The following ZNF438 variants were observed in gnomAD, a reference collection of about 807,000 sequenced individuals.
ZNF438 encodes the protein zinc finger protein 438.
Under a neutral mutation model 38.0 loss-of-function variants are expected in ZNF438, and 25 were observed. That is an observed-to-expected ratio of 0.66 (90% CI 0.48 to 0.92). The LOEUF is 0.92. Ranked by LOEUF, ZNF438 falls within the 40% of genes least tolerant of loss-of-function variation. The pLI, the probability that ZNF438 is intolerant of heterozygous loss-of-function variation, is 0.00. For missense variants in ZNF438, 1,007 were observed against 999.6 expected (o/e 1.01, Z -0.10); for synonymous variants, 372 against 364.1 (o/e 1.02, Z -0.25).
rs1436630368 is a variant in ZNF438, at chr10:30,944,875, T to A, written c.-191-3224A>T. On this transcript the variant is annotated intron_variant, in intron 1 of 5. Transcript: ENST00000413025. ...TTGTTCATCATATTTTCTTATCCCT[T>A]ATATATTTCCTGGATCTCTATTAAT... Among the ~76,000 whole-genome samples the A allele has an allele frequency of 3.3e-5, 5 of 152,198 alleles. No individual in the cohort carries two copies. The East Asian group carries it at 9.6e-4, about 29-fold the overall frequency.
intron 2 of ZNF438, among the ~76,000 whole-genome samples, chr10:30,928,803 T>C (rs1414931077): frequency 2.0e-5 from 3 of 152,180 alleles, no homozygotes; most frequent in Admixed American, 2.0e-4. Context: ...TTGGGGAACA[T>C]TGCTGTCCAG....
intron 1 of ZNF438, among the ~76,000 whole-genome samples, chr10:30,979,841 G>A (rs1450683508): frequency 2.0e-5 from 3 of 152,266 alleles, no homozygotes; most frequent in Non-Finnish European, 4.4e-5. Context: ...ATGACTTTCT[G>A]TAGATCTAAA....
intron 3 of ZNF438, among the ~76,000 whole-genome samples, chr10:30,891,231 T>C (rs989276031): frequency 6.6e-6 from 1 of 152,236 alleles, no homozygotes. Flanking sequence ...GCTCTCTTTT[T>C]TTCCCCCTTG....
At chr10:30,875,258 GGT>G in intron 4 of ZNF438, 1 of 985,416 alleles carries the variant, frequency 1.0e-6, no homozygotes, top group Non-Finnish European at 1.2e-6. Flanking sequence ...GCAGCCAAGA[GGT>G]GTGAGTGCTT....
At position 30,947,569 on chromosome 10, in the gene ZNF438, G is replaced by C. The variant is rs372744105; in HGVS notation, c.-191-5918C>G. On this transcript the variant is annotated intron_variant, in intron 1 of 5. Transcript: ENST00000413025. The stretch of plus-strand genomic sequence containing the variant: ...GGGCTCCGCCCAGTTGGAGCTTCCC[G>C]GCTGCTTTGTTTACCTAATCAAGCC... 6.4e-3 allele frequency among the ~76,000 whole-genome samples: 883 copies of C among 138,958 alleles called. 8 individuals carry two copies. The highest frequency in any genetic ancestry group is 0.023 in the African/African-American group (847 of 37,588). 91.2% of individuals were successfully genotyped at this position (138,958 alleles called of 152,430 possible). A position where few individuals can be genotyped will look rare whatever the true frequency, so the allele number is the denominator to read the frequency against.
chr10:30,947,470 G>A (rs2047555284), intron 1 of ZNF438, among the ~76,000 whole-genome samples: 1 of 152,362 alleles, frequency 6.6e-6, no homozygotes, highest in South Asian at 2.1e-4. Flanking sequence ...GGTTACTGCT[G>A]TCTTTTTGTT....
intron 1 of ZNF438, among the ~76,000 whole-genome samples, chr10:30,966,552 CTCAGCTACTCG>C (rs2050141061): frequency 6.6e-6 from 1 of 151,582 alleles, no homozygotes; most frequent in South Asian, 2.1e-4. Flanking sequence ...CACCTGTAGT[CTCAGCTACTCG>C]GGAGGCTGAG....
chr10:30,857,656 T>G lies in ZNF438; in HGVS notation c.38-7289A>C, dbSNP rs954146673. On this transcript the variant is annotated intron_variant, in intron 4 of 5. Coordinates refer to ENST00000413025, the Ensembl canonical transcript of ZNF438. The stretch of plus-strand genomic sequence containing the variant: ...AGTCATTTGAAAGCAAAAGCATATT[T>G]TTATATTTGAATTTGCCACTTACTA... 16 of 1,485,108 alleles carry G rather than the reference T, an allele frequency of 1.1e-5. No homozygotes were observed. In the East Asian group the frequency reaches 4.0e-4, roughly 37 times the overall value. The allele number at this position is 1,485,108 out of a possible 1,614,324, so 92.0% of individuals were successfully genotyped here.
At chr10:30,861,976 T>C (rs563408017) in intron 4 of ZNF438, among the ~76,000 whole-genome samples, 3 of 152,354 alleles carry the variant, frequency 2.0e-5, no homozygotes, top group Non-Finnish European at 4.4e-5. Flanking sequence ...AATGCTTTGT[T>C]AACCCCATTC....
At chr10:31,032,095 G>C (rs1375848702), upstream of ZNF438, among the ~76,000 whole-genome samples, 1 of 152,192 alleles carries the variant, frequency 6.6e-6, no homozygotes, top group Non-Finnish European at 1.5e-5. Flanking sequence ...GGCGGCGACT[G>C]CTCTACCAAA....
At chr10:30,897,955 T>C (rs2134176359) in intron 3 of ZNF438, among the ~76,000 whole-genome samples, 1 of 152,344 alleles carries the variant, frequency 6.6e-6, no homozygotes, top group African/African-American at 2.4e-5. Context: ...GGGAAATCTG[T>C]TACCATTTTG....
At chr10:30,939,684 T>C (rs1372497415) in intron 2 of ZNF438, among the ~76,000 whole-genome samples, 1 of 152,190 alleles carries the variant, frequency 6.6e-6, no homozygotes, top group African/African-American at 2.4e-5. Flanking sequence ...AAGAAGCTTC[T>C]GATGGGAGAG....
chr10:30,890,330 T>A (rs2040530587), intron 3 of ZNF438, among the ~76,000 whole-genome samples: 1 of 152,234 alleles, frequency 6.6e-6, no homozygotes, highest in African/African-American at 2.4e-5. Context: ...CCTAGATCCT[T>A]ATTTTTCCTT....
intron 3 of ZNF438, among the ~76,000 whole-genome samples, chr10:30,888,944 C>G (rs185095686): frequency 1.3e-5 from 2 of 152,308 alleles, no homozygotes; most frequent in East Asian, 3.9e-4. Context: ...TTTGAGGAAT[C>G]ACCACACTGC....
chr10:30,926,107 A>G (rs560133677), intron 2 of ZNF438, among the ~76,000 whole-genome samples: 1 of 152,298 alleles, frequency 6.6e-6, no homozygotes, highest in East Asian at 1.9e-4. Context: ...TTGAAGTGAA[A>G]AAGTGGTTGC....
chr10:30,849,271 T>G, exon 5 of ZNF438: 1 of 1,614,192 alleles, frequency 6.2e-7, no homozygotes, highest in Middle Eastern at 1.6e-4. Flanking sequence ...TCTTTGCTGC[T>G]CCACTGTTCA....
rs113478299 is a variant in ZNF438 at position 31,003,780 on chromosome 10, G to A, written c.-192+28053C>T. 6.4e-3 allele frequency among the ~76,000 whole-genome samples: 981 copies of A among 152,192 alleles called. 11 individuals carry two copies. The highest frequency in any genetic ancestry group is 0.021 in the African/African-American group (887 of 41,508). On this transcript the variant is annotated intron_variant, in intron 1 of 5. Coordinates refer to ENST00000413025, the Ensembl canonical transcript of ZNF438. ...TATGCTCAAGAAAGAGCTGATCTAC[G>A]TGAGATCATGTCATTTCTTGGCCCA...
At chr10:31,015,469 C>T (rs183283921) in intron 1 of ZNF438, among the ~76,000 whole-genome samples, 60 of 152,082 alleles carry the variant, frequency 3.9e-4, no homozygotes, top group African/African-American at 1.4e-3. Flanking sequence ...CACGGTGAAA[C>T]CCCGTCTCTA....
rs56946546 is a variant in ZNF438 at position 30,889,228 on chromosome 10, C to T, written c.-31-12163G>A. 1.1e-3 allele frequency among the ~76,000 whole-genome samples: 174 copies of T among 152,322 alleles called. 1 individual carries two copies. Among genetic ancestry groups the T allele is most frequent in the African/African-American group, 4.1e-3 (171 of 41,560 alleles). ...TAAAAACAAAATTCTCAAAATGTTA[C>T]TAAAGCTTTAGAGGAGCTAAAACTT... On this transcript the variant is annotated intron_variant, in intron 3 of 5. Coordinates refer to ENST00000413025, the Ensembl canonical transcript of ZNF438.
Sources: allele counts gnomAD v4.1 joint callset (sites outside exome capture counted in the v4.1 genomes callset), GRCh38; gene constraint gnomAD v4.1.1; transcripts MANE v1.5; gene names NCBI Gene and HGNC (gene_info 2026-07-23, HGNC 2026-07-21).